Variants in BANP observed in about 807,000 individuals in gnomAD.
BANP encodes protein BANP.
In BANP, 11 loss-of-function variants were observed where a neutral mutation model predicts 68.1. The ratio of observed to expected loss-of-function variants is 0.16; its 90% confidence interval spans 0.10 to 0.27. The LOEUF (loss-of-function observed/expected upper bound fraction) is 0.27. Ranked by LOEUF, BANP falls within the 10% of genes least tolerant of loss-of-function variation. BANP has a pLI of 1.00. For synonymous variants in BANP, 329 were observed against 303.2 expected, an observed-to-expected ratio of 1.09 and a Z score of -0.88; for missense variants, 504 against 722.7, an observed-to-expected ratio of 0.70 and a Z score of 3.47.
At chr16:88,075,281 G>A (rs1359898637) in intron 13 of BANP, among the ~76,000 whole-genome samples, 1 of 152,240 alleles carries the variant, frequency 6.6e-6, no homozygotes, top group East Asian at 1.9e-4. Context: ...GGGAGGCGGA[G>A]GTTGCAATGA....
At chr16:88,070,880 C>T (rs552665386) in intron 12 of BANP, among the ~76,000 whole-genome samples, 112 of 152,362 alleles carry the variant, frequency 7.4e-4, no homozygotes, top group African/African-American at 2.6e-3. Flanking sequence ...GTGAATTATA[C>T]TTCGTATCTT....
At chr16:87,999,209 G>T (rs75839714) in intron 4 of BANP, among the ~76,000 whole-genome samples, 446 of 78,602 alleles carry the variant, frequency 5.7e-3, no homozygotes, top group Middle Eastern at 0.014. Context: ...TACTTACCAG[G>T]CCTTCCAGAC....
At chr16:87,974,952 G>C in intron 1 of BANP, 96 bp from the exon 2 acceptor site, 1 of 608,186 alleles carries the variant, frequency 1.6e-6, no homozygotes. Context: ...AGACGTTCGC[G>C]GCCTCTTGCA....
chr16:88,054,537 G>C (rs996020012), intron 11 of BANP, among the ~76,000 whole-genome samples: 6 of 151,810 alleles, frequency 4.0e-5, no homozygotes, highest in African/African-American at 1.5e-4. Flanking sequence ...CCTCTCCGTT[G>C]CCCTTACCTC....
chr16:88,069,147 C>T (rs545816068), intron 12 of BANP, among the ~76,000 whole-genome samples: 97 of 152,304 alleles, frequency 6.4e-4, no homozygotes, highest in African/African-American at 2.2e-3. Context: ...GGCGCGCTGT[C>T]GCTGCGGGAC....
upstream of BANP, chr16:87,949,641 G>C (rs1276180721): frequency 6.6e-6 from 1 of 152,162 alleles, no homozygotes; most frequent in Non-Finnish European, 1.5e-5. Flanking sequence ...ACCTGTCCCA[G>C]CGCTGCCATT....
intron 1 of BANP, among the ~76,000 whole-genome samples, chr16:87,958,534 T>C (rs1198586943): frequency 6.6e-6 from 1 of 152,118 alleles, no homozygotes; most frequent in Non-Finnish European, 1.5e-5. Flanking sequence ...TAAAGTACTT[T>C]TTAAAAGGCC....
At chr16:88,020,894 G>A (rs1175373590) in intron 7 of BANP, among the ~76,000 whole-genome samples, 1 of 152,216 alleles carries the variant, frequency 6.6e-6, no homozygotes, top group Non-Finnish European at 1.5e-5. Flanking sequence ...CAGGGGCATG[G>A]CAGGGCGATA....
chr16:88,045,811 T>C, intron 11 of BANP, among the ~76,000 whole-genome samples: 1 of 147,812 alleles, frequency 6.8e-6, no homozygotes, highest in South Asian at 2.2e-4. Flanking sequence ...AGAGTTGCCA[T>C]GTGTCCCAGT....
intron 11 of BANP, among the ~76,000 whole-genome samples, chr16:88,056,424 C>T (rs965953677): frequency 6.6e-6 from 1 of 151,178 alleles, no homozygotes; most frequent in Admixed American, 6.6e-5. Context: ...CCAGGACAAG[C>T]TGGACAAAGT....
intron 11 of BANP, among the ~76,000 whole-genome samples, chr16:88,047,767 C>G (rs1342029501): frequency 2.0e-5 from 3 of 152,194 alleles, no homozygotes; most frequent in African/African-American, 7.2e-5. Flanking sequence ...TTTAAAATAC[C>G]AGTGAGCTAG....
chr16:88,076,967 C>T lies in BANP; in HGVS notation c.*306C>T, dbSNP rs972970213. ...CTATGATATTTTTCTGTTTAAACAG[C>T]TTTTTTTAATTTGCTATGGTGTTTA... On this transcript the variant is annotated 3_prime_UTR_variant, in exon 14 of 14. Coordinates refer to ENST00000682872, the MANE Select transcript of BANP (RefSeq NM_001386991.1). 2.7e-5 allele frequency: 9 copies of T among 335,256 alleles called. No individual in the cohort carries two copies. The highest frequency in any genetic ancestry group is 4.4e-5 in the Non-Finnish European group (8 of 183,034). 20.8% of individuals were successfully genotyped at this position (335,256 alleles called of 1,614,324 possible).
At chr16:87,994,927 C>G (rs7206128) in intron 4 of BANP, among the ~76,000 whole-genome samples, 98,520 of 152,072 alleles carry the variant, frequency 0.65, 32,438 homozygotes, top group African/African-American at 0.73. Flanking sequence ...TGGTGGGAGG[C>G]TGCATCTTGC....
At chr16:88,068,272 C>T (rs1385221558) in intron 12 of BANP, among the ~76,000 whole-genome samples, 2 of 152,226 alleles carry the variant, frequency 1.3e-5, no homozygotes, top group African/African-American at 2.4e-5. Context: ...GGTTTCCTGG[C>T]GGTCACCTGG....
At chr16:88,043,578 G>A (rs1389424392) in intron 11 of BANP, among the ~76,000 whole-genome samples, 1 of 152,244 alleles carries the variant, frequency 6.6e-6, no homozygotes, top group East Asian at 1.9e-4. Context: ...GAATGATTTA[G>A]GTAGAGGTGT....
rs571250929 is a variant in BANP at position 88,062,650 on chromosome 16, C to T, written c.1312-2617C>T. Among the ~76,000 whole-genome samples, 260 of 152,322 alleles carry T rather than the reference C, an allele frequency of 1.7e-3. 1 individual carries two copies. Among genetic ancestry groups the T allele is most frequent in the African/African-American group, 5.7e-3 (235 of 41,552 alleles). On this transcript the variant is annotated intron_variant, in intron 11 of 13. Transcript: ENST00000682872. The stretch of plus-strand genomic sequence containing the variant: ...TCAAGTTCAGCCGCAGGCCAGTGTC[C>T]CTGGAGCCTGGAAGCCAGGACACCG...
At chr16:88,061,893 A>G (rs1261940403) in intron 11 of BANP, among the ~76,000 whole-genome samples, 2 of 152,080 alleles carry the variant, frequency 1.3e-5, no homozygotes, top group Non-Finnish European at 2.9e-5. Flanking sequence ...TCCCAACCTC[A>G]GGTGACCAGC....
rs2072740199 is a variant in BANP, at chr16:88,010,509, T to C, written c.655+4244T>C. On this transcript the variant is annotated intron_variant, in intron 6 of 13. Transcript: ENST00000682872. Reference sequence around the variant, plus strand: ...GGGCAGCTGTGAGAGCTGTCAGCTGTGGCCATCCTGCAGCTGCTACTGGCA... The same window carrying C: ...GGGCAGCTGTGAGAGCTGTCAGCTGCGGCCATCCTGCAGCTGCTACTGGCA... Among the ~76,000 whole-genome samples, 3 of 152,248 alleles carry C rather than the reference T, an allele frequency of 2.0e-5. No individual in the cohort carries two copies. In the East Asian group the frequency reaches 5.8e-4, roughly 29 times the overall value.
At chr16:88,023,659 T>G (rs925044635) in intron 7 of BANP, among the ~76,000 whole-genome samples, 1 of 152,188 alleles carries the variant, frequency 6.6e-6, no homozygotes, top group Non-Finnish European at 1.5e-5. Flanking sequence ...CCTGGCTCTC[T>G]CATCTCGCTT....
Sources: allele counts gnomAD v4.1 joint callset (sites outside exome capture counted in the v4.1 genomes callset), GRCh38; gene constraint gnomAD v4.1.1; transcripts MANE v1.5; gene names NCBI Gene and HGNC (gene_info 2026-07-23, HGNC 2026-07-21).